Variants in CELF2 observed in about 807,000 individuals in gnomAD.
The protein encoded by CELF2 is CUGBP Elav-like family member 2.
CELF2 carries 8 observed loss-of-function variants against 62.6 expected under a neutral mutation model. The observed-to-expected ratio is 0.13, with a 90% CI of 0.07 to 0.23. CELF2 has a LOEUF of 0.23. Ranked by LOEUF, CELF2 falls within the 10% of genes least tolerant of loss-of-function variation. The pLI is 1.00. For synonymous variants in CELF2, 258 were observed against 250.0 expected (o/e 1.03, Z -0.30); for missense variants, 333 against 671.0 (o/e 0.50, Z 5.56).
At chr10:10,573,074 T>A in the CELF2 span, among the ~76,000 whole-genome samples, 3 of 152,322 alleles carry the variant, frequency 2.0e-5, no homozygotes, top group East Asian at 5.8e-4. Flanking sequence ...TAGCTCATTG[T>A]GGTTTTGATT....
At chr10:10,558,349 G>A in the CELF2 span, among the ~76,000 whole-genome samples, 35 of 151,244 alleles carry the variant, frequency 2.3e-4, no homozygotes, top group South Asian at 2.9e-3. Flanking sequence ...ATTGATTTGC[G>A]TATATTGAAC....
intron 1 of CELF2, among the ~76,000 whole-genome samples, chr10:11,079,751 C>CCCTT (rs1554822796): frequency 3.9e-5 from 3 of 77,750 alleles, no homozygotes; most frequent in Admixed American, 1.1e-4. Flanking sequence ...GCCCCCCCCC[C>CCCTT]CTTTTTAGGC....
chr10:10,785,935 G>C, the CELF2 span, among the ~76,000 whole-genome samples: 1 of 152,022 alleles, frequency 6.6e-6, no homozygotes, highest in East Asian at 1.9e-4. Context: ...TATGCTAATG[G>C]GCTTGATTTA....
intron 1 of CELF2, among the ~76,000 whole-genome samples, chr10:10,873,098 G>C (rs974690773): frequency 5.9e-5 from 9 of 152,212 alleles, no homozygotes; most frequent in Admixed American, 1.3e-4. Flanking sequence ...ATTGTACCAA[G>C]CTGGCCAATG....
chr10:10,847,586 C>T lies in CELF2; in HGVS notation c.53+48769C>T, dbSNP rs373329412. 5.1e-4 allele frequency among the ~76,000 whole-genome samples: 78 copies of T among 152,312 alleles called. No homozygotes were observed. In the South Asian group the frequency reaches 7.9e-3, roughly 15 times the overall value. ...TCCTCCCAAGAGGAAGGGTGGCTTT[C>T]TTGCCTGAAAAGCGTCATTGCAGAA... On this transcript the variant is annotated intron_variant, in intron 1 of 13. Transcript: ENST00000636488.
chr10:10,991,395 G>T lies in CELF2; in HGVS notation c.89+71396G>T, dbSNP rs530257371. 2.6e-4 allele frequency among the ~76,000 whole-genome samples: 39 copies of T among 152,282 alleles called. 2 individuals are homozygous for T. In the South Asian group the frequency reaches 8.1e-3, roughly 32 times the overall value. ...AAGGGGATGTGACAAGAGTCTCAGT[G>T]GGGATGATCCTGCTGAGAAGACTGA... On this transcript the variant is annotated intron_variant, in intron 2 of 13. Coordinates refer to the CELF2 transcript ENST00000636488.
chr10:11,303,224 C>A (rs913045230), intron 9 of CELF2, among the ~76,000 whole-genome samples: 1 of 152,146 alleles, frequency 6.6e-6, no homozygotes, highest in South Asian at 2.1e-4. Flanking sequence ...CTGTTTCTTG[C>A]CTTAGTCCCT....
the CELF2 span, among the ~76,000 whole-genome samples, chr10:10,564,935 T>C: frequency 6.6e-6 from 1 of 152,222 alleles, no homozygotes; most frequent in Non-Finnish European, 1.5e-5. Flanking sequence ...GAGCTCTGCA[T>C]AAATCATTTC....
At chr10:11,082,524 A>C (rs547682343) in intron 1 of CELF2, among the ~76,000 whole-genome samples, 9 of 152,178 alleles carry the variant, frequency 5.9e-5, no homozygotes, top group Non-Finnish European at 1.2e-4. Flanking sequence ...TCCAGATCCT[A>C]CTTTGCTCTG....
rs2096014870 is a variant in CELF2 at position 11,331,367 on chromosome 10, G to C, written c.*2314G>C. 6.7e-6 allele frequency: 1 copy of C among 148,300 alleles called. No individual in the cohort carries two copies. Among genetic ancestry groups the C allele is most frequent in the African/African-American group, 2.5e-5 (1 of 40,162 alleles). The allele number at this position is 148,300 out of a possible 1,614,324, so 9.2% of individuals were successfully genotyped here. On this transcript the variant is annotated 3_prime_UTR_variant, in exon 13 of 13. Coordinates refer to ENST00000633077, the MANE Select transcript of CELF2 (RefSeq NM_001326342.2). The stretch of plus-strand genomic sequence containing the variant: ...AGGGAAAAAAAAAAAACCTATTCCA[G>C]AATAAGTTTTGTGTTGGCTTGTGAA...
the CELF2 span, among the ~76,000 whole-genome samples, chr10:10,577,224 T>C: frequency 6.6e-6 from 1 of 152,126 alleles, no homozygotes; most frequent in Non-Finnish European, 1.5e-5. Context: ...AGAGCCTGCA[T>C]GGCAATGGGT....
At chr10:11,256,263 A>G (rs932581856) in intron 4 of CELF2, among the ~76,000 whole-genome samples, 23 of 152,194 alleles carry the variant, frequency 1.5e-4, no homozygotes, top group Non-Finnish European at 2.5e-4. Context: ...TTCTGTGTCA[A>G]CAGCACTGTG....
In CELF2 at chr10:11,315,851, A is replaced by G. The variant is rs193088748; in HGVS notation, c.1096+1593A>G. Reference sequence around the variant, plus strand: ...CTAGGTCGAGGACGCGTGTGCTCGCACACATCCCCTCATGCTGCTTCTCTT... The same window carrying G: ...CTAGGTCGAGGACGCGTGTGCTCGCGCACATCCCCTCATGCTGCTTCTCTT... On this transcript the variant is annotated intron_variant, in intron 10 of 12. Coordinates refer to ENST00000633077, the MANE Select transcript of CELF2 (RefSeq NM_001326342.2). The surrounding 1 kb of genome is among the most constrained non-coding windows in gnomAD (Gnocchi z 5.8). 1.3e-5 allele frequency among the ~76,000 whole-genome samples: 2 copies of G among 152,328 alleles called. No homozygotes were observed. Among genetic ancestry groups the G allele is most frequent in the Admixed American group, 1.3e-4 (2 of 15,298 alleles).
the CELF2 span, among the ~76,000 whole-genome samples, chr10:10,518,028 C>T: frequency 2.0e-5 from 3 of 152,156 alleles, no homozygotes; most frequent in Non-Finnish European, 4.4e-5. Flanking sequence ...TACAACCACC[C>T]ACCATCTCCT....
chr10:10,607,346 G>A, the CELF2 span, among the ~76,000 whole-genome samples: 1 of 152,148 alleles, frequency 6.6e-6, no homozygotes, highest in Non-Finnish European at 1.5e-5. Context: ...TGAGCTACCT[G>A]ACAGCCTAAC....
the CELF2 span, among the ~76,000 whole-genome samples, chr10:10,606,030 A>T: frequency 6.6e-6 from 1 of 152,124 alleles, no homozygotes; most frequent in South Asian, 2.1e-4. Context: ...AGAACGTTGG[A>T]AAGCACTGGT....
chr10:10,512,721 T>C, the CELF2 span, among the ~76,000 whole-genome samples: 1 of 152,198 alleles, frequency 6.6e-6, no homozygotes, highest in East Asian at 1.9e-4. Context: ...GGTCTAGAAC[T>C]CTTAACAGGA....
the CELF2 span, chr10:10,792,568 A>C: frequency 2.5e-6 from 1 of 396,422 alleles, no homozygotes; most frequent in Non-Finnish European, 4.4e-6. Flanking sequence ...TAAAGCTGCC[A>C]TTCAAAGAAA....
chr10:10,834,849 G>C (rs1408321544), intron 1 of CELF2, among the ~76,000 whole-genome samples: 1 of 152,164 alleles, frequency 6.6e-6, no homozygotes, highest in African/African-American at 2.4e-5. Flanking sequence ...AGCCTTCATG[G>C]TGCTTGTCCG....
Sources: allele counts gnomAD v4.1 joint callset (sites outside exome capture counted in the v4.1 genomes callset), GRCh38; gene constraint gnomAD v4.1.1; non-coding constraint Gnocchi (gnomAD v3.1); transcripts MANE v1.5; gene names NCBI Gene and HGNC (gene_info 2026-07-23, HGNC 2026-07-21).